PRIM1: variants seen among roughly 807,000 people sequenced by gnomAD.
PRIM1 encodes DNA primase subunit 1.
Under a neutral mutation model 60.2 loss-of-function variants are expected in PRIM1, and 38 were observed. The ratio of observed to expected loss-of-function variants is 0.63; its 90% CI spans 0.49 to 0.83. The LOEUF is 0.83. Among genes scored for constraint, PRIM1 ranks in the 40% least tolerant of loss-of-function variants. PRIM1 has a pLI of 0.00. For missense variants in PRIM1, 388 were observed against 506.2 expected (o/e 0.77, Z 2.24); for synonymous variants, 158 against 160.2 (o/e 0.99, Z 0.10).
Position 56,738,518 on chromosome 12 carries a change from A to G in PRIM1, c.1060T>C (p.Cys354Arg). ...PFTVPTISFI[C>R]RELDAISTNE... ...GTGGAAATGGCATCCAATTCACGGC[A>G]GATGAAGCTGCAAGTAACAGAACAA... The change falls in exon 11 of 13, where the codon TGC (cysteine) becomes CGC (arginine). Residue 354 changes from cysteine to arginine, a missense_variant. By Grantham distance (180) the Cys-to-Arg change is radical (BLOSUM62 -3). Transcript: ENST00000338193. The G allele has an allele frequency of 1.3e-6, 2 of 1,576,130 alleles. No homozygotes were observed. Among genetic ancestry groups the G allele is most frequent in the Non-Finnish European group, 1.7e-6 (2 of 1,159,506 alleles).
intron 11 of PRIM1, among the ~76,000 whole-genome samples, chr12:56,737,723 CT>C (rs1044716202): frequency 1.3e-5 from 2 of 150,700 alleles, no homozygotes; most frequent in Non-Finnish European, 3.0e-5. Context: ...TCTTCAAATT[CT>C]TTTTTTTTGT....
Position 56,742,974 on chromosome 12 carries a change from C to G in PRIM1, c.748+13G>C. On this transcript the variant is annotated intron_variant, in intron 7 of 12. Transcript: ENST00000338193. The stretch of plus-strand genomic sequence containing the variant: ...CAACTAGCTCACACAGAAATGATCA[C>G]GGGAAAGGATATTTTCAGGAACAAG... The G allele has an allele frequency of 6.7e-7, 1 of 1,501,966 alleles. No individual in the cohort carries two copies. The highest frequency in any genetic ancestry group is 1.4e-5 in the African/African-American group (1 of 70,486). 93.0% of individuals were successfully genotyped at this position (1,501,966 alleles called of 1,614,324 possible).
chr12:56,742,933 A>G (rs903223903), intron 7 of PRIM1, 54 bp downstream of exon 7: 2 of 1,285,460 alleles, frequency 1.6e-6, no homozygotes, highest in Admixed American at 3.1e-5. Flanking sequence ...AACATTTATA[A>G]TATCACAGAT....
At chr12:56,738,583 T>C in intron 10 of PRIM1, 58 bp from the exon 11 acceptor site, 1 of 1,517,800 alleles carries the variant, frequency 6.6e-7, no homozygotes, top group Non-Finnish European at 8.9e-7. Flanking sequence ...GACGGAGTCT[T>C]GCTCTGTTGC....
At chr12:56,738,710 C>T (rs1038404858) in intron 10 of PRIM1, among the ~76,000 whole-genome samples, 185 bp from the exon 11 acceptor site, 9 of 152,160 alleles carry the variant, frequency 5.9e-5, no homozygotes, top group East Asian at 5.8e-4. Flanking sequence ...TGCCACCAAG[C>T]GCAGCTAATT....
In PRIM1 at chr12:56,739,361, G is replaced by A. The variant is rs1290797258; in HGVS notation, c.985C>T (p.Arg329Cys). ...SPFSVHPKTGRISVPIDLQKV... is the reference protein window; with the variant it reads ...SPFSVHPKTGCISVPIDLQKV... ...TGCAAATCAATAGGCACAGATATGC[G>A]ACCTGTAAGACACAAAAGTTATAAA... is the stretch of plus-strand genomic sequence containing the variant. The change falls in exon 10 of 13, where the codon CGC becomes TGC. Residue 329 changes from arginine to cysteine, a missense_variant and splice_region_variant. Physicochemically the swap from Arg to Cys is radical, Grantham distance 180. Around this residue, in one of 3 missense-constraint regions of PRIM1, gnomAD observed 211 missense variants for 277.9 expected, o/e 0.76. Coordinates refer to ENST00000338193, the MANE Select transcript of PRIM1 (RefSeq NM_000946.3). 2.6e-6 allele frequency: 4 copies of A among 1,550,462 alleles called. No individual in the cohort carries two copies. The highest frequency in any genetic ancestry group is 2.7e-5 in the African/African-American group (2 of 74,096).
rs750765821 is a variant in PRIM1 at position 56,741,428 on chromosome 12, G to A, written c.982+7C>T. The A allele has an allele frequency of 1.2e-6, 2 of 1,603,794 alleles. No individual in the cohort carries two copies. The highest frequency in any genetic ancestry group is 2.3e-5 in the South Asian group (2 of 88,178). ...TTTTAGTTTTCCTTAGTTTCCTTGT[G>A]TAGTACCTGTTTTAGGATGAACACT... On this transcript the variant is annotated splice_region_variant and intron_variant, in intron 9 of 12. Transcript: ENST00000338193.
intron 9 of PRIM1, among the ~76,000 whole-genome samples, chr12:56,740,618 A>G (rs117352585): frequency 6.6e-6 from 1 of 152,200 alleles, no homozygotes; most frequent in East Asian, 1.9e-4. Context: ...TGTCTACAAA[A>G]TATTAGCTGG....
In PRIM1 at chr12:56,752,239, G is replaced by C. The variant is rs1215888380; in HGVS notation, c.60C>G (p.Leu20=). ...AGCGATAGTACTGAGAGTAGGGAAA[G>C]AGCCTCCGGTAATAAAGTTTAAGCA... The part of the protein sequence containing the change: ...PELLKLYYRR[L]FPYSQYYRWL... The change falls in exon 1 of 13, where the codon CTC becomes CTG. Residue 20 remains leucine, a synonymous_variant. Coordinates refer to ENST00000338193, the MANE Select transcript of PRIM1 (RefSeq NM_000946.3). 6.2e-7 allele frequency: 1 copy of C among 1,603,670 alleles called. No individual in the cohort carries two copies. Among genetic ancestry groups the C allele is most frequent in the Non-Finnish European group, 8.5e-7 (1 of 1,175,104 alleles).
chr12:56,737,865 C>T (rs892323578), intron 11 of PRIM1, among the ~76,000 whole-genome samples: 2 of 152,164 alleles, frequency 1.3e-5, no homozygotes, highest in Non-Finnish European at 2.9e-5. Flanking sequence ...GCTGGGATTA[C>T]AGGTGCCCTC....
chr12:56,734,672 G>C (rs924392753), intron 11 of PRIM1, among the ~76,000 whole-genome samples: 1 of 150,632 alleles, frequency 6.6e-6, no homozygotes, highest in Non-Finnish European at 1.5e-5. Flanking sequence ...GCCTCTGAAA[G>C]TGCTGGGATT....
intron 2 of PRIM1, among the ~76,000 whole-genome samples, chr12:56,748,155 AG>A: frequency 6.6e-6 from 1 of 152,200 alleles, no homozygotes; most frequent in East Asian, 1.9e-4. Flanking sequence ...ATAAAACAGA[AG>A]GTCCCTGGAC....
rs1019532643 is a variant in PRIM1 at position 56,743,118 on chromosome 12, C to G, written c.639-22G>C. On this transcript the variant is annotated intron_variant, in intron 6 of 12. Transcript: ENST00000338193. ...TTTTCTGTAAGAACAACAATAACAA[C>G]AGAGTCCCAACACTATCAGTAACAC... The G allele has an allele frequency of 3.3e-6, 5 of 1,509,404 alleles. No homozygotes were observed. In the East Asian group the frequency reaches 1.3e-4, roughly 39 times the overall value. 93.5% of individuals were successfully genotyped at this position (1,509,404 alleles called of 1,614,324 possible).
intron 12 of PRIM1, among the ~76,000 whole-genome samples, chr12:56,732,876 A>G (rs1953794025): frequency 1.3e-5 from 2 of 149,614 alleles, no homozygotes; most frequent in Admixed American, 1.3e-4. Context: ...TTTTTTTGAG[A>G]TAGTGTCTTG....
intron 12 of PRIM1, among the ~76,000 whole-genome samples, chr12:56,733,305 C>T (rs909035386): frequency 6.6e-6 from 1 of 151,396 alleles, no homozygotes; most frequent in African/African-American, 2.4e-5. Flanking sequence ...TTACAGGCTC[C>T]CACCACCACA....
Position 56,731,747 on chromosome 12 carries a change from A to G in PRIM1, c.1244-13T>C. ...TCTTTTTGTAAATCTAAAATAGAAT[A>G]GATAATATATGGAAGAACAGCAAAG... On this transcript the variant is annotated splice_polypyrimidine_tract_variant and intron_variant, in intron 12 of 12. Coordinates refer to ENST00000338193, the MANE Select transcript of PRIM1 (RefSeq NM_000946.3). The G allele has an allele frequency of 6.7e-7, 1 of 1,490,852 alleles. No homozygotes were observed. The highest frequency in any genetic ancestry group is 9.1e-7 in the Non-Finnish European group (1 of 1,098,874). The allele number at this position is 1,490,852 out of a possible 1,614,324, so 92.4% of individuals were successfully genotyped here. A position where few individuals can be genotyped will look rare whatever the true frequency, so the allele number is the denominator to read the frequency against.
At chr12:56,738,059 A>G (rs562003273) in intron 11 of PRIM1, among the ~76,000 whole-genome samples, 9 of 152,336 alleles carry the variant, frequency 5.9e-5, no homozygotes, top group African/African-American at 2.2e-4. Flanking sequence ...CAACTTGGTA[A>G]ACAGTTTAGA....
rs1306612212 is a variant in PRIM1, at chr12:56,752,246, C to T, written c.53G>A (p.Arg18Gln). 2 of 1,601,426 alleles carry T rather than the reference C, an allele frequency of 1.2e-6. No individual in the cohort carries two copies. Among genetic ancestry groups the T allele is most frequent in the African/African-American group, 1.3e-5 (1 of 74,270 alleles). The change falls in exon 1 of 13, where the codon CGG (arginine) becomes CAG (glutamine). Residue 18 changes from arginine to glutamine, a missense_variant. Arg to Gln is a conservative substitution (Grantham distance 43). Coordinates refer to ENST00000338193, the MANE Select transcript of PRIM1 (RefSeq NM_000946.3). Reference protein sequence around the residue: ...ELPELLKLYYRRLFPYSQYYR... With the variant: ...ELPELLKLYYQRLFPYSQYYR... ...GTACTGAGAGTAGGGAAAGAGCCTCCGGTAATAAAGTTTAAGCAGCTCGGG... is the reference window on the plus strand; with the variant it reads ...GTACTGAGAGTAGGGAAAGAGCCTCTGGTAATAAAGTTTAAGCAGCTCGGG...
In PRIM1 at chr12:56,751,169, C is replaced by A; in HGVS notation, c.130G>T (p.Glu44Ter). The change falls in exon 2 of 13, where the codon GAA becomes TAA. Residue 44 changes from glutamate to a stop codon, truncating the protein, a stop_gained. Transcript: ENST00000338193. LOFTEE classifies it high-confidence loss of function. ...TCATCTTTCAATGTGAATGAAAATT[C>A]ACGGTGTTGAAAGTAATTCTTTATC... ...GVIKNYFQHREFSFTLKDDIY... is the reference protein window; with the variant it reads ...GVIKNYFQHR 6.4e-7 allele frequency: 1 copy of A among 1,554,148 alleles called. No homozygotes were observed. The highest frequency in any genetic ancestry group is 1.2e-5 in the South Asian group (1 of 82,410).
Sources: allele counts gnomAD v4.1 joint callset (sites outside exome capture counted in the v4.1 genomes callset), GRCh38; gene constraint gnomAD v4.1.1; regional missense constraint gnomAD v4.1.1; transcripts MANE v1.5; gene names NCBI Gene and HGNC (gene_info 2026-07-23, HGNC 2026-07-21).